Variants in BMERB1 observed in about 807,000 individuals in gnomAD.
BMERB1 encodes bMERB domain-containing protein 1.
BMERB1 carries 12 observed loss-of-function variants against 23.6 expected under a neutral mutation model. The observed-to-expected ratio is 0.51, with a 90% CI of 0.33 to 0.82. The LOEUF is 0.82. Among genes scored for constraint, BMERB1 ranks in the 40% least tolerant of loss-of-function variants. BMERB1 has a pLI of 0.03. For synonymous variants in BMERB1, 122 were observed against 96.6 expected, an observed-to-expected ratio of 1.26 and a Z score of -1.54; for missense variants, 247 against 255.4, an observed-to-expected ratio of 0.97 and a Z score of 0.22.
intron 2 of BMERB1, among the ~76,000 whole-genome samples, chr16:15,543,399 G>A (rs1375844734): frequency 6.6e-6 from 1 of 152,078 alleles, no homozygotes; most frequent in African/African-American, 2.4e-5. Context: ...TCTCATTTAG[G>A]GCTGCAGGTC....
intron 1 of BMERB1, among the ~76,000 whole-genome samples, chr16:15,512,460 T>C (rs2051681212): frequency 6.6e-6 from 1 of 152,126 alleles, no homozygotes; most frequent in African/African-American, 2.4e-5. Context: ...GACAACTTTC[T>C]CTGGGCACAG....
chr16:15,479,714 A>G (rs1354952239), intron 1 of BMERB1, among the ~76,000 whole-genome samples: 1 of 152,128 alleles, frequency 6.6e-6, no homozygotes, highest in Non-Finnish European at 1.5e-5. Flanking sequence ...TTGTTTTGAA[A>G]AATAGAAGAT....
At chr16:15,568,448 G>A (rs2030637993) in intron 3 of BMERB1, among the ~76,000 whole-genome samples, 1 of 152,072 alleles carries the variant, frequency 6.6e-6, no homozygotes. Flanking sequence ...GGCCAGCCTG[G>A]CCAACATGGC....
chr16:15,584,976 A>AG (rs1258100146), intron 5 of BMERB1, among the ~76,000 whole-genome samples: 4 of 152,212 alleles, frequency 2.6e-5, no homozygotes, highest in African/African-American at 9.6e-5. Flanking sequence ...CTGCAGCCAC[A>AG]GGGACATGAG....
intron 2 of BMERB1, among the ~76,000 whole-genome samples, chr16:15,556,671 C>T (rs900844889): frequency 6.6e-6 from 1 of 152,112 alleles, no homozygotes; most frequent in African/African-American, 2.4e-5. Context: ...CTGCAACCTC[C>T]ACCTCCCAGG....
At chr16:15,568,345 T>C (rs1403335671) in intron 3 of BMERB1, among the ~76,000 whole-genome samples, 1 of 152,142 alleles carries the variant, frequency 6.6e-6, no homozygotes, top group Non-Finnish European at 1.5e-5. Context: ...TGAGTATAAA[T>C]ATCCTAAAGA....
chr16:15,556,830 C>T (rs2030273400), intron 2 of BMERB1, among the ~76,000 whole-genome samples: 1 of 152,170 alleles, frequency 6.6e-6, no homozygotes, highest in African/African-American at 2.4e-5. Context: ...GTGATCCGCC[C>T]TCCTCGGCCT....
chr16:15,473,835 T>C (rs1251771184), intron 1 of BMERB1, among the ~76,000 whole-genome samples: 1 of 152,054 alleles, frequency 6.6e-6, no homozygotes, highest in Admixed American at 6.6e-5. Context: ...AATAATGTTT[T>C]ATGGCTGGGT....
At chr16:15,561,347 C>T (rs1052812992) in intron 2 of BMERB1, among the ~76,000 whole-genome samples, 9 of 140,276 alleles carry the variant, frequency 6.4e-5, no homozygotes, top group Non-Finnish European at 1.4e-4. Context: ...TGACTCACTG[C>T]AACCTCTGCC....
intron 2 of BMERB1, among the ~76,000 whole-genome samples, chr16:15,558,195 T>C (rs954688654): frequency 2.0e-5 from 3 of 151,888 alleles, no homozygotes; most frequent in African/African-American, 7.3e-5. Flanking sequence ...TGCCCATGGG[T>C]AGTAAGCCAA....
intron 1 of BMERB1, among the ~76,000 whole-genome samples, chr16:15,476,516 A>G (rs928881004): frequency 6.6e-6 from 1 of 152,302 alleles, no homozygotes; most frequent in African/African-American, 2.4e-5. Flanking sequence ...TCAGCTTCAC[A>G]GTGAGCTTTG....
intron 2 of BMERB1, among the ~76,000 whole-genome samples, chr16:15,563,107 C>A (rs758947765): frequency 1.2e-4 from 18 of 152,076 alleles, no homozygotes; most frequent in Admixed American, 2.6e-4. Flanking sequence ...TGAGGCCGGG[C>A]GCAGTGGCTC....
intron 2 of BMERB1, chr16:15,536,705 T>C (rs565658047): frequency 4.6e-5 from 7 of 152,286 alleles, no homozygotes; most frequent in Admixed American, 4.6e-4. Context: ...TTAAAGAAAA[T>C]GCTGGGGCCT....
intron 2 of BMERB1, among the ~76,000 whole-genome samples, chr16:15,565,052 CAAAA>C (rs113797043): frequency 8.1e-6 from 1 of 124,194 alleles, no homozygotes; most frequent in Admixed American, 8.3e-5. Context: ...TTCCTTTATG[CAAAA>C]AAAAAAAAAA....
intron 2 of BMERB1, among the ~76,000 whole-genome samples, chr16:15,543,082 A>G (rs774271133): frequency 4.1e-4 from 62 of 152,012 alleles, no homozygotes; most frequent in Non-Finnish European, 1.3e-4. Context: ...GGTGAATACA[A>G]ATTTTTTATT....
intron 3 of BMERB1, among the ~76,000 whole-genome samples, chr16:15,573,863 C>G (rs372961616): frequency 0.015 from 1,879 of 126,182 alleles, 16 homozygotes; most frequent in Middle Eastern, 0.019. Context: ...GGTGGAAGGT[C>G]AAGGAGAAGC....
rs536661490 is a variant in BMERB1 at position 15,483,539 on chromosome 16, C to T, written c.107-31766C>T. Among the ~76,000 whole-genome samples, 27 of 152,216 alleles carry T rather than the reference C, an allele frequency of 1.8e-4. 1 individual carries two copies. The South Asian group carries it at 5.6e-3, about 32-fold the overall frequency. On this transcript the variant is annotated intron_variant, in intron 1 of 5. Coordinates refer to ENST00000300006, the MANE Select transcript of BMERB1 (RefSeq NM_033201.3). ...GGGTTATAGATGTCCACCACCATAC[C>T]TGGCCAATTTTTGTAGTTTTATTAG... is the stretch of plus-strand genomic sequence containing the variant.
At chr16:15,457,039 T>C (rs1399502281) in intron 1 of BMERB1, among the ~76,000 whole-genome samples, 1 of 152,154 alleles carries the variant, frequency 6.6e-6, no homozygotes, top group African/African-American at 2.4e-5. Flanking sequence ...TTGGCCAGGC[T>C]GGTTTCGAAC....
At chr16:15,439,765 G>A (rs748509247) in intron 1 of BMERB1, among the ~76,000 whole-genome samples, 53 of 152,178 alleles carry the variant, frequency 3.5e-4, no homozygotes, top group African/African-American at 9.9e-4. Flanking sequence ...TCAACCAAGT[G>A]TAATTAATTG....
Sources: allele counts gnomAD v4.1 joint callset (sites outside exome capture counted in the v4.1 genomes callset), GRCh38; gene constraint gnomAD v4.1.1; transcripts MANE v1.5; gene names NCBI Gene and HGNC (gene_info 2026-07-23, HGNC 2026-07-21).